TAFA5: variants seen among roughly 807,000 people sequenced by gnomAD.
TAFA5 encodes the protein chemokine-like protein TAFA-5.
A neutral mutation model predicts 15.3 loss-of-function variants in TAFA5; 6 were observed. The ratio of observed to expected loss-of-function variants is 0.39; its 90% CI spans 0.21 to 0.77. The LOEUF is 0.77. TAFA5 is among the 30% of genes least tolerant of loss of function. The pLI is 0.41. For missense variants in TAFA5, 161 were observed against 193.1 expected (o/e 0.83, Z 0.98); for synonymous variants, 103 against 80.7 (o/e 1.28, Z -1.48).
At chr22:48,576,345 C>G (rs1213391321) in intron 1 of TAFA5, 2 of 1,210,300 alleles carry the variant, frequency 1.7e-6, no homozygotes, top group Non-Finnish European at 1.0e-6. Flanking sequence ...CCTCCAGTCG[C>G]GGCGGAGCGC....
At chr22:48,577,542 G>T (rs779919630) in intron 1 of TAFA5, among the ~76,000 whole-genome samples, 5 of 152,228 alleles carry the variant, frequency 3.3e-5, no homozygotes, top group African/African-American at 4.8e-5. Context: ...GCTGAGCACC[G>T]GAGGGCGCCT....
At chr22:48,704,617 GCCGGGGGGTTCCCTATCCC>G (rs925960353) in intron 2 of TAFA5, among the ~76,000 whole-genome samples, 1 of 151,974 alleles carries the variant, frequency 6.6e-6, no homozygotes, top group Non-Finnish European at 1.5e-5. Context: ...GCCCTGGGAA[GCCGGGGGGTTCCCTATCCC>G]CACGTGCCAT....
At chr22:48,529,712 G>A (rs536545411) in intron 1 of TAFA5, among the ~76,000 whole-genome samples, 3 of 151,968 alleles carry the variant, frequency 2.0e-5, no homozygotes, top group South Asian at 2.1e-4. Flanking sequence ...AGGGGTCTCC[G>A]ACCAGGCTGA....
intron 1 of TAFA5, among the ~76,000 whole-genome samples, chr22:48,611,091 G>A (rs142911656): frequency 2.2e-4 from 33 of 152,104 alleles, no homozygotes; most frequent in East Asian, 9.7e-4. Context: ...GAATCACCAC[G>A]CCCAGCTAAT....
At chr22:48,504,208 T>C (rs1259173296) in intron 1 of TAFA5, among the ~76,000 whole-genome samples, 1 of 152,190 alleles carries the variant, frequency 6.6e-6, no homozygotes, top group Non-Finnish European at 1.5e-5. Context: ...GGCCACCTTA[T>C]CTTGTGGCTC....
intron 1 of TAFA5, among the ~76,000 whole-genome samples, chr22:48,528,666 A>G (rs1313612599): frequency 6.6e-6 from 1 of 152,212 alleles, no homozygotes; most frequent in Non-Finnish European, 1.5e-5. Flanking sequence ...TTGAGTCAAC[A>G]AAGACATAGT....
chr22:48,512,692 G>C (rs529686969), intron 1 of TAFA5, among the ~76,000 whole-genome samples: 1 of 151,734 alleles, frequency 6.6e-6, no homozygotes, highest in African/African-American at 2.4e-5. Flanking sequence ...AGGCCGAGGC[G>C]GGTGGATCAC....
intron 1 of TAFA5, among the ~76,000 whole-genome samples, chr22:48,523,380 G>A (rs954992366): frequency 6.6e-6 from 1 of 152,266 alleles, no homozygotes; most frequent in African/African-American, 2.4e-5. Context: ...ACTCCCCTGG[G>A]CCCTCCTGTG....
chr22:48,514,133 C>T (rs1396361967), intron 1 of TAFA5, among the ~76,000 whole-genome samples: 2 of 152,194 alleles, frequency 1.3e-5, no homozygotes, highest in African/African-American at 4.8e-5. Flanking sequence ...CTTGGCTGCA[C>T]CCCAGGCCCG....
rs1014630625 is a variant in TAFA5, at chr22:48,742,197, C to G, written c.391-7642C>G. ...CCAGGCACAGCCCTGCCCCACCCCACAGGCCCCTCATCCTTCACCAGGCAC... is the reference window on the plus strand; with the variant it reads ...CCAGGCACAGCCCTGCCCCACCCCAGAGGCCCCTCATCCTTCACCAGGCAC... On this transcript the variant is annotated intron_variant, in intron 3 of 3. Transcript: ENST00000402357. The surrounding 1 kb of genome is among the most constrained non-coding windows in gnomAD (Gnocchi z 6.2). 1.1e-4 allele frequency among the ~76,000 whole-genome samples: 16 copies of G among 151,316 alleles called. No individual in the cohort carries two copies. The highest frequency in any genetic ancestry group is 2.9e-5 in the Non-Finnish European group (2 of 67,848).
At position 48,566,595 on chromosome 22, in the gene TAFA5, A is replaced by G. The variant is rs1001975587; in HGVS notation, c.112+76891A>G. 4.6e-5 allele frequency among the ~76,000 whole-genome samples: 7 copies of G among 152,146 alleles called. No individual in the cohort carries two copies. The highest frequency in any genetic ancestry group is 1.7e-4 in the African/African-American group (7 of 41,422). On this transcript the variant is annotated intron_variant, in intron 1 of 3. Coordinates refer to ENST00000402357, the MANE Select transcript of TAFA5 (RefSeq NM_001082967.3). The surrounding 1 kb of genome is among the most constrained non-coding windows in gnomAD (Gnocchi z 4.5). ...TAGCAGGGGCTGCCCGGGTACACCT[A>G]GCTTTAGCCCAACCTCTCCTTCTGC... is the stretch of plus-strand genomic sequence containing the variant.
chr22:48,666,263 A>T (rs1193419409), intron 2 of TAFA5, among the ~76,000 whole-genome samples: 1 of 152,176 alleles, frequency 6.6e-6, no homozygotes, highest in Non-Finnish European at 1.5e-5. Context: ...GCCAGCTATT[A>T]TCCCAGCCGA....
At chr22:48,635,287 A>G (rs1008892974) in intron 1 of TAFA5, among the ~76,000 whole-genome samples, 7 of 152,166 alleles carry the variant, frequency 4.6e-5, no homozygotes, top group Non-Finnish European at 1.0e-4. Context: ...TGGAGGGCAC[A>G]GCTGCGAGAA....
chr22:48,660,515 A>G (rs1483168306), intron 2 of TAFA5, among the ~76,000 whole-genome samples: 1 of 152,218 alleles, frequency 6.6e-6, no homozygotes, highest in Non-Finnish European at 1.5e-5. Context: ...ATTTTCCCCT[A>G]GAGACAATTC....
chr22:48,565,774 C>A (rs895605832), intron 1 of TAFA5, among the ~76,000 whole-genome samples: 10 of 152,224 alleles, frequency 6.6e-5, no homozygotes, highest in Non-Finnish European at 1.0e-4. Flanking sequence ...TGCCTTGGAG[C>A]AGTGGCTTGA....
intron 1 of TAFA5, among the ~76,000 whole-genome samples, chr22:48,605,441 G>GTGGTGATGGCAA (rs1925156240): frequency 3.9e-5 from 3 of 76,646 alleles, no homozygotes; most frequent in Non-Finnish European, 8.1e-5. Context: ...GGTGGTGGTG[G>GTGGTGATGGCAA]TGGTGATGGC....
chr22:48,746,974 C>T (rs1930346993), intron 3 of TAFA5, among the ~76,000 whole-genome samples: 1 of 152,198 alleles, frequency 6.6e-6, no homozygotes, highest in East Asian at 1.9e-4. Context: ...CCAGTAGGAC[C>T]CTCGCCCATA....
chr22:48,493,371 GAAGAAATTAC>G (rs1289852466), intron 1 of TAFA5, among the ~76,000 whole-genome samples: 2 of 152,214 alleles, frequency 1.3e-5, no homozygotes, highest in Non-Finnish European at 2.9e-5. Context: ...ATAACTATGA[GAAGAAATTAC>G]AAACAACTTT....
At chr22:48,681,143 A>G (rs1295065130) in intron 2 of TAFA5, among the ~76,000 whole-genome samples, 1 of 152,216 alleles carries the variant, frequency 6.6e-6, no homozygotes, top group East Asian at 1.9e-4. Context: ...GGCCTGAGCC[A>G]CGCTTATCCC....
Sources: gnomAD v4.1 joint callset for allele counts (sites outside exome capture counted in the v4.1 genomes callset) on GRCh38, gnomAD v4.1.1 for gene constraint, Gnocchi (gnomAD v3.1) non-coding constraint, MANE v1.5 for transcripts, NCBI Gene and HGNC (gene_info 2026-07-23, HGNC 2026-07-21) for gene names.